The following FBXO16 variants were observed in gnomAD, a reference collection of about 807,000 sequenced individuals.
FBXO16 encodes F-box protein 16, also known as F-box only protein 16.
FBXO16 carries 31 observed loss-of-function variants against 41.0 expected under a neutral mutation model. The ratio of observed to expected loss-of-function variants is 0.76; its 90% CI spans 0.57 to 1.02. The LOEUF (loss-of-function observed/expected upper bound fraction) is 1.02, where lower values mean the gene tolerates loss of function less well. FBXO16 is among the 50% of genes least tolerant of loss of function. The pLI is 0.00. For missense variants in FBXO16, 361 were observed against 346.2 expected, an observed-to-expected ratio of 1.04 and a Z score of -0.34; for synonymous variants, 133 against 117.8, an observed-to-expected ratio of 1.13 and a Z score of -0.84.
intron 3 of FBXO16, among the ~76,000 whole-genome samples, chr8:28,467,926 G>T (rs577080479): frequency 6.6e-6 from 1 of 152,264 alleles, no homozygotes; most frequent in Non-Finnish European, 1.5e-5. Context: ...AATTGTGTTT[G>T]TTTAGGCTAA....
In FBXO16 at chr8:28,428,490, G is replaced by C. The variant is rs2130063519; in HGVS notation, c.*237C>G. ...ACTTAAGCTGAAAGAGTTTCTAATG[G>C]GAGCCAAGTAAATTCAGCTCTCCAC... On this transcript the variant is annotated 3_prime_UTR_variant, in exon 9 of 9. Coordinates refer to ENST00000380254, the MANE Select transcript of FBXO16 (RefSeq NM_172366.4). 7.1e-7 allele frequency: 1 copy of C among 1,411,152 alleles called. No homozygotes were observed. Among genetic ancestry groups the C allele is most frequent in the Non-Finnish European group, 9.4e-7 (1 of 1,064,300 alleles). 87.4% of individuals were successfully genotyped at this position (1,411,152 alleles called of 1,614,324 possible).
At chr8:28,460,243 ATATTT>A (rs1371039809) in intron 4 of FBXO16, among the ~76,000 whole-genome samples, 78 of 93,776 alleles carry the variant, frequency 8.3e-4, no homozygotes, top group Middle Eastern at 5.4e-3. Flanking sequence ...ATATATATAT[ATATTT>A]TTTTTTTTTT....
At position 28,463,594 on chromosome 8, in the gene FBXO16, C is replaced by T. The variant is rs750320505; in HGVS notation, c.342+18G>A. The stretch of plus-strand genomic sequence containing the variant: ...GGCTGTCCTCACAAAACACCACATA[C>T]CCCTTCCTTGCCTTTACCTGTGCAC... On this transcript the variant is annotated intron_variant, in intron 4 of 8. Transcript: ENST00000380254. The T allele has an allele frequency of 3.7e-6, 6 of 1,612,594 alleles. No individual in the cohort carries two copies. Among genetic ancestry groups the T allele is most frequent in the African/African-American group, 2.7e-5 (2 of 74,816 alleles).
At chr8:28,454,062 A>G (rs960426105) in intron 5 of FBXO16, among the ~76,000 whole-genome samples, 6 of 151,922 alleles carry the variant, frequency 3.9e-5, no homozygotes, top group African/African-American at 1.5e-4. Flanking sequence ...GCTACTTGGG[A>G]GGCTGAGGCA....
intron 2 of FBXO16, among the ~76,000 whole-genome samples, chr8:28,481,582 C>T (rs982239588): frequency 6.6e-6 from 1 of 151,624 alleles, no homozygotes; most frequent in African/African-American, 2.4e-5. Context: ...AAGGCTGAGG[C>T]GGGTGGATCA....
At position 28,431,086 on chromosome 8, in the gene FBXO16, C is replaced by T. The variant is rs374820023; in HGVS notation, c.844-1683G>A. On this transcript the variant is annotated intron_variant, in intron 7 of 8. Coordinates refer to ENST00000380254, the MANE Select transcript of FBXO16 (RefSeq NM_172366.4). ...TCACCTGTAACAGTTTCAAATTTAA[C>T]CCTATTACCATGCAACGCTTATCTG... Among the ~76,000 whole-genome samples, 86 of 152,284 alleles carry T rather than the reference C, an allele frequency of 5.6e-4. 1 individual carries two copies. The highest frequency in any genetic ancestry group is 4.6e-3 in the South Asian group (22 of 4,832).
In FBXO16 at chr8:28,463,617, CACA is replaced by C; in HGVS notation, c.334_336del (p.Cys112del). 6.2e-7 allele frequency: 1 copy of C among 1,613,838 alleles called. No homozygotes were observed. Among genetic ancestry groups the C allele is most frequent in the Non-Finnish European group, 8.5e-7 (1 of 1,179,968 alleles). On this transcript the variant is annotated inframe_deletion, in exon 4 of 9. Transcript: ENST00000380254. ...TACCCCTTCCTTGCCTTTACCTGTG[CACA>C]ACGACAAAGGCTCCGAGGGTCCAGG...
At chr8:28,446,935 C>A in intron 7 of FBXO16, 1 of 376,040 alleles carries the variant, frequency 2.7e-6, no homozygotes, top group Non-Finnish European at 4.8e-6. Context: ...TCATACACAT[C>A]AGTTCATCCA....
chr8:28,435,829 G>A (rs1263520336), intron 7 of FBXO16, among the ~76,000 whole-genome samples: 1 of 152,140 alleles, frequency 6.6e-6, no homozygotes, highest in Non-Finnish European at 1.5e-5. Flanking sequence ...TGGCTTTCAG[G>A]CTTTCAACTG....
intron 4 of FBXO16, 86 bp downstream of exon 4, chr8:28,463,526 G>C: frequency 1.5e-6 from 2 of 1,337,638 alleles, no homozygotes; most frequent in South Asian, 2.6e-5. Context: ...GTGTATGCCT[G>C]TGTTTCCCCT....
Position 28,481,530 on chromosome 8 carries a change from TGGC to T in FBXO16, c.99+1815_99+1817del, listed in dbSNP as rs774840826. 1.6e-4 allele frequency among the ~76,000 whole-genome samples: 25 copies of T among 152,186 alleles called. No individual in the cohort carries two copies. In the East Asian group the frequency reaches 1.7e-3, roughly 11 times the overall value. On this transcript the variant is annotated intron_variant, in intron 2 of 8. Transcript: ENST00000380254. ...AAGAATGCAAGGGCCTGAGCATTCG[TGGC>T]GAGTGCGGTGGCTCACGCCTGTAAT...
At chr8:28,481,366 C>T (rs1407951936) in intron 2 of FBXO16, among the ~76,000 whole-genome samples, 1 of 151,908 alleles carries the variant, frequency 6.6e-6, no homozygotes, top group Non-Finnish European at 1.5e-5. Context: ...AGTAGATAAG[C>T]GGGTGGAGAA....
intron 8 of FBXO16, among the ~76,000 whole-genome samples, chr8:28,429,067 C>T (rs1035208979): frequency 7.9e-5 from 12 of 152,102 alleles, no homozygotes; most frequent in South Asian, 4.1e-4. Context: ...AAGTTCACAC[C>T]GCTAAAAAGT....
chr8:28,436,759 T>C (rs1027427872), intron 7 of FBXO16, among the ~76,000 whole-genome samples: 1 of 152,172 alleles, frequency 6.6e-6, no homozygotes, highest in African/African-American at 2.4e-5. Flanking sequence ...TTTTATGTTA[T>C]ATATATATTT....
chr8:28,477,441 G>A (rs947071728), intron 2 of FBXO16, among the ~76,000 whole-genome samples: 3 of 152,048 alleles, frequency 2.0e-5, no homozygotes, highest in African/African-American at 7.2e-5. Context: ...GACCTTCAAG[G>A]TCATCTGATC....
chr8:28,474,317 A>AG, intron 2 of FBXO16, among the ~76,000 whole-genome samples: 1 of 17,900 alleles, frequency 5.6e-5, no homozygotes, highest in Non-Finnish European at 9.0e-5. Flanking sequence ...AGACCCTGTC[A>AG]AAAAAAAAAA....
chr8:28,456,814 C>T lies in FBXO16; in HGVS notation c.459G>A (p.Lys153=). 4.3e-6 allele frequency: 7 copies of T among 1,614,146 alleles called. No individual in the cohort carries two copies. The highest frequency in any genetic ancestry group is 5.9e-6 in the Non-Finnish European group (7 of 1,180,020). The change falls in exon 5 of 9, where the codon AAG becomes AAA. Residue 153 remains lysine, a synonymous_variant. Coordinates refer to ENST00000380254, the MANE Select transcript of FBXO16 (RefSeq NM_172366.4). ...CTTTCACCATTTGAATATAGTGCTT[C>T]TTCCAGATCCCCTGCTCAAAGGGAG... is the stretch of plus-strand genomic sequence containing the variant. ...SPTPFEQGIW[K]KHYIQMVKEL...
intron 5 of FBXO16, chr8:28,455,845 T>C (rs1300308266): frequency 6.6e-6 from 1 of 152,238 alleles, no homozygotes; most frequent in Non-Finnish European, 1.5e-5. Flanking sequence ...TTTATTACTG[T>C]ATTAAGTGTA....
rs748275396 is a variant in FBXO16 at position 28,456,840 on chromosome 8, T to C, written c.433A>G (p.Thr145Ala). The change falls in exon 5 of 9, where the codon ACT becomes GCT. Residue 145 changes from threonine to alanine, a missense_variant. By Grantham distance (58) the Thr-to-Ala change is moderately conservative. Transcript: ENST00000380254. ...RFNWYINFSPTPFEQGIWKKH... is the reference protein window; with the variant it reads ...RFNWYINFSPAPFEQGIWKKH... ...TTCCAGATCCCCTGCTCAAAGGGAG[T>C]TGGAGAGAAATTGATGTACCAGTTA... 7.4e-6 allele frequency: 12 copies of C among 1,614,000 alleles called. No homozygotes were observed. The highest frequency in any genetic ancestry group is 4.0e-5 in the African/African-American group (3 of 74,904).
Sources: gnomAD v4.1 joint callset for allele counts (sites outside exome capture counted in the v4.1 genomes callset) on GRCh38, gnomAD v4.1.1 for gene constraint, MANE v1.5 for transcripts, NCBI Gene and HGNC (gene_info 2026-07-23, HGNC 2026-07-21) for gene names.